DOCK4: variants seen among roughly 807,000 people sequenced by gnomAD.
The protein encoded by DOCK4 is dedicator of cytokinesis protein 4.
DOCK4 carries 97 observed loss-of-function variants against 268.1 expected under a neutral mutation model. That is an observed-to-expected ratio of 0.36 (90% CI 0.31 to 0.43). The LOEUF is 0.43. DOCK4 is among the 20% of genes least tolerant of loss of function. The probability of loss-of-function intolerance (pLI) is 1.00; values close to 1 mark genes in which losing one functional copy is unlikely to be tolerated. For missense variants in DOCK4, 2,145 were observed against 2,455.7 expected, an observed-to-expected ratio of 0.87 and a Z score of 2.67; for synonymous variants, 954 against 887.2, an observed-to-expected ratio of 1.08 and a Z score of -1.34.
At chr7:111,903,058 A>G (rs1791276434) in intron 13 of DOCK4, among the ~76,000 whole-genome samples, 1 of 152,222 alleles carries the variant, frequency 6.6e-6, no homozygotes, top group Admixed American at 6.5e-5. Flanking sequence ...AATCACTAGA[A>G]AGAAAAATAA....
chr7:111,728,669 G>C lies in DOCK4; in HGVS notation c.5533C>G (p.Leu1845Val). The change falls in exon 53 of 53, where the codon CTC becomes GTC. Residue 1845 changes from leucine to valine, a missense_variant. Physicochemically the swap from Leu to Val is conservative, Grantham distance 32. Transcript: ENST00000428084. ...PSPVEYHSPG[L>V]ISNSPVLSGS... Reference sequence around the variant, plus strand: ...GACAAGACAGGGGAGTTGGAGATGAGTCCTGGCGAGTGGTACTCCACTGGA... The same window carrying C: ...GACAAGACAGGGGAGTTGGAGATGACTCCTGGCGAGTGGTACTCCACTGGA... 1 of 1,613,944 alleles carries C rather than the reference G, an allele frequency of 6.2e-7. No individual in the cohort carries two copies. Among genetic ancestry groups the C allele is most frequent in the Non-Finnish European group, 8.5e-7 (1 of 1,179,874 alleles).
At chr7:111,849,988 G>A (rs1472020819) in intron 23 of DOCK4, among the ~76,000 whole-genome samples, 1 of 152,068 alleles carries the variant, frequency 6.6e-6, no homozygotes, top group Non-Finnish European at 1.5e-5. Context: ...TCTCTTGTCT[G>A]CAAGTCAACT....
At chr7:111,888,745 C>T (rs374409486) in intron 16 of DOCK4, among the ~76,000 whole-genome samples, 11 of 152,280 alleles carry the variant, frequency 7.2e-5, no homozygotes, top group African/African-American at 2.6e-4. Flanking sequence ...CTCTTCCTCA[C>T]TGGCCCTCAA....
chr7:111,798,084 C>A (rs1800025424), intron 30 of DOCK4, among the ~76,000 whole-genome samples: 2 of 152,188 alleles, frequency 1.3e-5, no homozygotes. Flanking sequence ...TCCAGGATCC[C>A]CGAGGTGCAT....
intron 36 of DOCK4, among the ~76,000 whole-genome samples, chr7:111,772,390 T>G (rs1036092061): frequency 1.3e-5 from 2 of 152,002 alleles, no homozygotes; most frequent in African/African-American, 4.8e-5. Context: ...AAAGAAAAGT[T>G]CTGTCGGTGG....
chr7:112,132,603 A>G (rs1370772486), intron 1 of DOCK4, among the ~76,000 whole-genome samples: 1 of 151,716 alleles, frequency 6.6e-6, no homozygotes, highest in African/African-American at 2.4e-5. Flanking sequence ...AAGGCAGTTA[A>G]GCAAATGCTT....
intron 7 of DOCK4, among the ~76,000 whole-genome samples, chr7:111,979,207 A>T (rs1407050140): frequency 2.6e-5 from 4 of 152,220 alleles, no homozygotes; most frequent in African/African-American, 9.6e-5. Context: ...TTAGAAGTTA[A>T]AACTTTTATT....
chr7:111,778,284 T>C lies in DOCK4; in HGVS notation c.3671A>G (p.Asn1224Ser). 1 of 1,609,994 alleles carries C rather than the reference T, an allele frequency of 6.2e-7. No individual in the cohort carries two copies. Among genetic ancestry groups the C allele is most frequent in the Non-Finnish European group, 8.5e-7 (1 of 1,176,540 alleles). ...KLYDLHLKAQ[N>S]FTEAAYTLLL... Reference sequence around the variant, plus strand: ...CCAAAAGACAGAATTACCTGTAAAGTTCTGTGCTTTGAGATGCAGATCATA... The same window carrying C: ...CCAAAAGACAGAATTACCTGTAAAGCTCTGTGCTTTGAGATGCAGATCATA... The change falls in exon 36 of 53, where the codon AAC (asparagine) becomes AGC (serine). Residue 1224 changes from asparagine to serine, a missense_variant. Transcript: ENST00000428084.
intron 1 of DOCK4, among the ~76,000 whole-genome samples, chr7:112,131,384 G>A (rs967336581): frequency 1.3e-5 from 2 of 152,146 alleles, no homozygotes; most frequent in African/African-American, 4.8e-5. Flanking sequence ...AAACTCCAGG[G>A]TAGATCCTTC....
chr7:111,869,307 C>A (rs117375957), intron 21 of DOCK4, among the ~76,000 whole-genome samples: 1,858 of 152,294 alleles, frequency 0.012, 20 homozygotes, highest in Non-Finnish European at 0.018. Context: ...CTCCCTCTCT[C>A]CTGCTCATCT....
At chr7:112,011,462 G>C (rs1801294309) in intron 1 of DOCK4, among the ~76,000 whole-genome samples, 1 of 152,026 alleles carries the variant, frequency 6.6e-6, no homozygotes, top group African/African-American at 2.4e-5. Context: ...TTATCTTAAG[G>C]ATTTTGCTAA....
intron 6 of DOCK4, 44 bp downstream of exon 6, chr7:111,988,971 T>C (rs1196408449): frequency 6.4e-7 from 1 of 1,571,342 alleles, no homozygotes; most frequent in Non-Finnish European, 8.6e-7. Flanking sequence ...TCACTTCCAT[T>C]GTGTTCACCT....
At chr7:112,135,005 G>A (rs547117073) in intron 1 of DOCK4, among the ~76,000 whole-genome samples, 83 of 151,722 alleles carry the variant, frequency 5.5e-4, no homozygotes, top group African/African-American at 1.6e-3. Context: ...GTGTGTGTGT[G>A]TATATATATG....
chr7:111,994,575 T>C (rs562633968), intron 4 of DOCK4, among the ~76,000 whole-genome samples: 1 of 152,306 alleles, frequency 6.6e-6, no homozygotes, highest in East Asian at 1.9e-4. Context: ...CTGGGCTACA[T>C]AAACTCTGAG....
intron 1 of DOCK4, among the ~76,000 whole-genome samples, chr7:112,175,215 G>A (rs1004577700): frequency 2.6e-5 from 4 of 152,070 alleles, no homozygotes. Context: ...TTCATCTGAA[G>A]TTTAAACAGT....
At chr7:111,760,764 G>C (rs907151153) in intron 39 of DOCK4, among the ~76,000 whole-genome samples, 1 of 144,264 alleles carries the variant, frequency 6.9e-6, no homozygotes, top group East Asian at 2.0e-4. Flanking sequence ...GTGTGTGTGT[G>C]TGTGTGTGTG....
intron 1 of DOCK4, among the ~76,000 whole-genome samples, chr7:112,083,080 T>C (rs1040253526): frequency 6.6e-6 from 1 of 152,150 alleles, no homozygotes; most frequent in Non-Finnish European, 1.5e-5. Flanking sequence ...ATTTTAATAA[T>C]GTACTTCTTT....
intron 36 of DOCK4, among the ~76,000 whole-genome samples, chr7:111,776,812 G>C (rs1798468336): frequency 6.6e-6 from 1 of 151,698 alleles, no homozygotes; most frequent in African/African-American, 2.4e-5. Flanking sequence ...CTTCATGTAG[G>C]TGAGTAATTT....
At chr7:112,111,045 T>C (rs1586843298) in intron 1 of DOCK4, among the ~76,000 whole-genome samples, 1 of 152,238 alleles carries the variant, frequency 6.6e-6, no homozygotes, top group East Asian at 1.9e-4. Flanking sequence ...GTGACCTACA[T>C]CAGAAACAGG....
Sources: allele counts gnomAD v4.1 joint callset (sites outside exome capture counted in the v4.1 genomes callset), GRCh38; gene constraint gnomAD v4.1.1; transcripts MANE v1.5; gene names NCBI Gene and HGNC (gene_info 2026-07-23, HGNC 2026-07-21).